The following LRBA variants were observed in gnomAD, a reference collection of about 807,000 sequenced individuals.
LRBA encodes LPS responsive beige-like anchor protein.
A neutral mutation model predicts 330.0 loss-of-function variants in LRBA; 176 were observed. The observed-to-expected ratio is 0.53, with a 90% CI of 0.47 to 0.60. The LOEUF (loss-of-function observed/expected upper bound fraction) is 0.60, where lower values mean the gene tolerates loss of function less well. Among genes scored for constraint, LRBA ranks in the 20% least tolerant of loss-of-function variants. The pLI is 0.00. For synonymous variants in LRBA, 1,230 were observed against 1,193.0 expected (o/e 1.03, Z -0.64); for missense variants, 3,259 against 3,444.8 (o/e 0.95, Z 1.35).
intron 40 of LRBA, among the ~76,000 whole-genome samples, chr4:150,550,637 G>A (rs9968356): frequency 0.063 from 9,528 of 152,120 alleles, 479 homozygotes; most frequent in East Asian, 0.18. Flanking sequence ...GCTTCCTTAT[G>A]ACTTCAGCTA....
chr4:150,489,412 ATATAAAATATAT>A, intron 41 of LRBA, among the ~76,000 whole-genome samples: 1 of 52,364 alleles, frequency 1.9e-5, no homozygotes, highest in Non-Finnish European at 3.8e-5. Context: ...ATATATAAGA[ATATAAAATATAT>A]TACATATAAG....
chr4:150,450,299 T>C (rs1753186687), intron 44 of LRBA, among the ~76,000 whole-genome samples: 1 of 152,200 alleles, frequency 6.6e-6, no homozygotes, highest in Non-Finnish European at 1.5e-5. Flanking sequence ...TATCACAAAC[T>C]AGGTGGCTTA....
intron 42 of LRBA, among the ~76,000 whole-genome samples, chr4:150,481,441 A>T (rs1757286731): frequency 6.6e-6 from 1 of 152,096 alleles, no homozygotes; most frequent in Non-Finnish European, 1.5e-5. Context: ...TTAAATGTAT[A>T]ATATTTATCA....
intron 36 of LRBA, among the ~76,000 whole-genome samples, chr4:150,705,489 A>AGT (rs1785528530): frequency 2.6e-5 from 4 of 152,090 alleles, no homozygotes; most frequent in Admixed American, 2.6e-4. Context: ...GTTATTCACA[A>AGT]GAGGCAAGTA....
intron 37 of LRBA, among the ~76,000 whole-genome samples, chr4:150,652,129 C>T (rs548655814): frequency 6.6e-5 from 10 of 152,220 alleles, no homozygotes; most frequent in Admixed American, 2.6e-4. Flanking sequence ...AGCCACTACG[C>T]GGGGCACCAA....
intron 36 of LRBA, among the ~76,000 whole-genome samples, chr4:150,707,474 G>C (rs1286188812): frequency 6.6e-6 from 1 of 151,454 alleles, no homozygotes; most frequent in East Asian, 1.9e-4. Context: ...AGAAAGTCAA[G>C]CAAAAAAGGA....
intron 40 of LRBA, chr4:150,579,976 C>T (rs1771068302): frequency 6.2e-6 from 2 of 324,480 alleles, no homozygotes; most frequent in Non-Finnish European, 6.1e-6. Flanking sequence ...GAGCCCCTCC[C>T]GGCCAGTCGC....
intron 37 of LRBA, among the ~76,000 whole-genome samples, chr4:150,611,379 T>C (rs1224868743): frequency 2.6e-5 from 4 of 152,152 alleles, no homozygotes; most frequent in African/African-American, 9.7e-5. Flanking sequence ...GAAATAGCGC[T>C]AGACCCTCCC....
intron 48 of LRBA, among the ~76,000 whole-genome samples, chr4:150,340,134 T>C (rs1159169946): frequency 1.3e-5 from 2 of 152,162 alleles, no homozygotes; most frequent in Non-Finnish European, 2.9e-5. Context: ...GTAAGTTCCC[T>C]GAGGCCTCCC....
chr4:150,584,182 C>A, intron 40 of LRBA: 1 of 1,419,148 alleles, frequency 7.0e-7, no homozygotes, highest in Non-Finnish European at 9.2e-7. Context: ...CTATAAACAG[C>A]AGAAACTCTG....
chr4:150,694,849 A>T (rs1318446219), intron 36 of LRBA, among the ~76,000 whole-genome samples: 1 of 152,202 alleles, frequency 6.6e-6, no homozygotes, highest in Non-Finnish European at 1.5e-5. Flanking sequence ...TAATTTGAAG[A>T]TTAATATAGG....
chr4:150,618,797 G>A (rs1037561099), intron 37 of LRBA, among the ~76,000 whole-genome samples: 2 of 150,098 alleles, frequency 1.3e-5, no homozygotes, highest in African/African-American at 4.9e-5. Context: ...TAATTATGTA[G>A]TAAATTCACA....
chr4:150,360,389 C>T (rs1251912842), intron 47 of LRBA, among the ~76,000 whole-genome samples: 1 of 151,544 alleles, frequency 6.6e-6, no homozygotes, highest in African/African-American at 2.4e-5. Context: ...AATATCATTT[C>T]AACATGTAAT....
chr4:150,515,339 AT>A (rs1226555454), intron 40 of LRBA, among the ~76,000 whole-genome samples: 1 of 152,238 alleles, frequency 6.6e-6, no homozygotes, highest in Non-Finnish European at 1.5e-5. Context: ...GCTGAAAAGC[AT>A]TTGATCAAAT....
Position 150,419,049 on chromosome 4 carries a change from T to C in LRBA, c.7042-3459A>G, listed in dbSNP as rs568911794. ...GGATGGGGAATGGTGAGCGGGTCAC[T>C]ATATGCCCATACAGTGCCTCTATGT... On this transcript the variant is annotated intron_variant, in intron 46 of 56. Transcript: ENST00000651943. Among the ~76,000 whole-genome samples, 9 of 152,278 alleles carry C rather than the reference T, an allele frequency of 5.9e-5. No homozygotes were observed. The East Asian group carries it at 1.4e-3, about 23-fold the overall frequency.
At chr4:150,290,315 G>GA (rs1265316932) in intron 53 of LRBA, among the ~76,000 whole-genome samples, 13 of 150,970 alleles carry the variant, frequency 8.6e-5, no homozygotes, top group South Asian at 2.1e-4. Context: ...CGAAGAACAA[G>GA]AAAAAAAAAT....
At chr4:150,995,704 G>A (rs1742560209) in intron 2 of LRBA, among the ~76,000 whole-genome samples, 1 of 152,192 alleles carries the variant, frequency 6.6e-6, no homozygotes, top group Middle Eastern at 3.4e-3. Flanking sequence ...ATGGCATCCA[G>A]AGTTGAGTAA....
chr4:150,730,487 A>C (rs1441036056), intron 36 of LRBA, among the ~76,000 whole-genome samples: 2 of 152,086 alleles, frequency 1.3e-5, no homozygotes, highest in South Asian at 4.1e-4. Flanking sequence ...GTTTGGGACC[A>C]GCCTGGCCAA....
chr4:150,920,680 A>G (rs903277857), intron 5 of LRBA, among the ~76,000 whole-genome samples: 6 of 152,238 alleles, frequency 3.9e-5, no homozygotes, highest in African/African-American at 1.4e-4. Flanking sequence ...AACATTACAG[A>G]TATCACTATT....
Sources: allele counts gnomAD v4.1 joint callset (sites outside exome capture counted in the v4.1 genomes callset), GRCh38; gene constraint gnomAD v4.1.1; transcripts MANE v1.5; gene names NCBI Gene and HGNC (gene_info 2026-07-23, HGNC 2026-07-21).